PCDHA10: variants seen among roughly 807,000 people sequenced by gnomAD.
The protein encoded by PCDHA10 is protocadherin alpha 10.
Under a neutral mutation model 61.2 loss-of-function variants are expected in PCDHA10, and 45 were observed. The observed-to-expected ratio is 0.74, with a 90% CI of 0.58 to 0.94. The LOEUF is 0.94. Among genes scored for constraint, PCDHA10 ranks in the 40% least tolerant of loss-of-function variants. The pLI, the probability that PCDHA10 is intolerant of heterozygous loss-of-function variation, is 0.00. For synonymous variants in PCDHA10, 602 were observed against 548.8 expected (o/e 1.10, Z -1.35); for missense variants, 1,278 against 1,236.2 (o/e 1.03, Z -0.51).
chr5:140,952,914 T>C (rs1020868857), intron 1 of PCDHA10, among the ~76,000 whole-genome samples: 1 of 151,982 alleles, frequency 6.6e-6, no homozygotes, highest in South Asian at 2.1e-4. Context: ...TCATCTTACA[T>C]GGCATGAGCA....
At position 140,884,772 on chromosome 5, in the gene PCDHA10, T is replaced by G. The variant is rs563372954; in HGVS notation, c.2388+26336T>G. 1.9e-5 allele frequency: 27 copies of G among 1,409,818 alleles called. No homozygotes were observed. In the African/African-American group the frequency reaches 3.6e-4, roughly 19 times the overall value. The allele number at this position is 1,409,818 out of a possible 1,614,324, so 87.3% of individuals were successfully genotyped here. On this transcript the variant is annotated intron_variant, in intron 1 of 3. Transcript: ENST00000307360. Reference sequence around the variant, plus strand: ...TTCAAATTATTCTTTACTTTAATTTTAATTTTGCTAGTTGTTATCGAATTT... The same window carrying G: ...TTCAAATTATTCTTTACTTTAATTTGAATTTTGCTAGTTGTTATCGAATTT...
intron 3 of PCDHA10, among the ~76,000 whole-genome samples, chr5:141,008,201 A>T (rs2098364434): frequency 6.6e-6 from 1 of 152,212 alleles, no homozygotes; most frequent in Admixed American, 6.5e-5. Context: ...TAATATAATG[A>T]ACTTGACATG....
chr5:140,985,268 A>G (rs1399255449), intron 3 of PCDHA10, among the ~76,000 whole-genome samples: 6 of 152,098 alleles, frequency 3.9e-5, no homozygotes, highest in African/African-American at 1.2e-4. Context: ...TTTCTGGACT[A>G]CTTTTCTGCA....
chr5:140,872,595 C>T (rs1048527578), intron 1 of PCDHA10, among the ~76,000 whole-genome samples: 1 of 152,102 alleles, frequency 6.6e-6, no homozygotes, highest in African/African-American at 2.4e-5. Context: ...AGACCCCCAT[C>T]TGAAAAAATA....
intron 3 of PCDHA10, among the ~76,000 whole-genome samples, chr5:141,000,416 TA>T (rs1479552208): frequency 1.6e-3 from 150 of 93,344 alleles, no homozygotes; most frequent in Non-Finnish European, 2.1e-3. Flanking sequence ...TATATATATA[TA>T]TATATTTTTT....
rs2054518116 is a variant in PCDHA10, at chr5:140,873,832, T to G, written c.2388+15396T>G. Among the ~76,000 whole-genome samples, 4 of 152,260 alleles carry G rather than the reference T, an allele frequency of 2.6e-5. No homozygotes were observed. In the South Asian group the frequency reaches 8.3e-4, roughly 32 times the overall value. On this transcript the variant is annotated intron_variant, in intron 1 of 3. Transcript: ENST00000307360. ...TGCACCACCACTCCTGGCTAATTTT[T>G]GTATTTTTAGTAGAGATGGGTTTTC...
At chr5:141,002,331 C>T (rs550513057) in intron 3 of PCDHA10, among the ~76,000 whole-genome samples, 1 of 152,372 alleles carries the variant, frequency 6.6e-6, no homozygotes, top group South Asian at 2.1e-4. Context: ...CGGGCTGCAT[C>T]CGCACCCCTT....
At chr5:140,887,431 A>C (rs2061444829) in intron 1 of PCDHA10, among the ~76,000 whole-genome samples, 1 of 152,112 alleles carries the variant, frequency 6.6e-6, no homozygotes, top group African/African-American at 2.4e-5. Context: ...AAGTATTTTC[A>C]CTGGGCATAG....
intron 1 of PCDHA10, chr5:140,929,209 G>C (rs553616030): frequency 1.2e-6 from 2 of 1,613,936 alleles, no homozygotes. Context: ...GCTGTTGCGT[G>C]GGGAGTACAA....
At chr5:140,874,124 T>C (rs926046559) in intron 1 of PCDHA10, among the ~76,000 whole-genome samples, 1 of 152,266 alleles carries the variant, frequency 6.6e-6, no homozygotes, top group Non-Finnish European at 1.5e-5. Flanking sequence ...TTATAGTTTA[T>C]TTAAGTTATC....
chr5:140,897,946 T>G (rs1311278458), intron 1 of PCDHA10, among the ~76,000 whole-genome samples: 1 of 152,276 alleles, frequency 6.6e-6, no homozygotes, highest in African/African-American at 2.4e-5. Context: ...CCAGTGATGA[T>G]TAGCATTTTT....
At chr5:140,863,712 G>A (rs2048130795) in intron 1 of PCDHA10, 1 of 282,034 alleles carries the variant, frequency 3.5e-6, no homozygotes, top group East Asian at 9.1e-5. Flanking sequence ...AAGTACACTG[G>A]GGCCGGGTGC....
intron 1 of PCDHA10, chr5:140,865,236 G>A (rs192476838): frequency 8.5e-5 from 13 of 152,224 alleles, no homozygotes; most frequent in Admixed American, 3.3e-4. Flanking sequence ...CAGAGAACAC[G>A]TATTTATAGC....
chr5:141,000,765 G>T (rs1554257794), intron 3 of PCDHA10, among the ~76,000 whole-genome samples: 9 of 151,816 alleles, frequency 5.9e-5, no homozygotes, highest in Non-Finnish European at 2.9e-5. Context: ...ATCTTAGCCA[G>T]GCATAGTGGC....
At chr5:140,998,211 T>C (rs2097801578) in intron 3 of PCDHA10, among the ~76,000 whole-genome samples, 1 of 152,226 alleles carries the variant, frequency 6.6e-6, no homozygotes. Context: ...TTAATCTGTA[T>C]AACCACACCC....
chr5:140,948,461 A>G (rs2094256529), intron 1 of PCDHA10, among the ~76,000 whole-genome samples: 1 of 151,516 alleles, frequency 6.6e-6, no homozygotes, highest in Admixed American at 6.6e-5. Flanking sequence ...TCTTTTAGGG[A>G]AAGTTTCTGA....
chr5:140,938,118 T>G (rs1554211986), intron 1 of PCDHA10, among the ~76,000 whole-genome samples: 1 of 152,178 alleles, frequency 6.6e-6, no homozygotes. Context: ...TCTCTCTTTT[T>G]TTAAAAAAAT....
intron 1 of PCDHA10, chr5:140,967,767 A>G (rs782195052): frequency 1.2e-6 from 2 of 1,614,216 alleles, no homozygotes; most frequent in East Asian, 2.2e-5. Context: ...TACCAGATCT[A>G]TGTGCAGGCG....
chr5:140,996,293 A>T (rs1481852263), intron 3 of PCDHA10, among the ~76,000 whole-genome samples: 1 of 152,264 alleles, frequency 6.6e-6, no homozygotes, highest in African/African-American at 2.4e-5. Context: ...CAAGAAGCAC[A>T]GATTGTAACA....
Sources: allele counts gnomAD v4.1 joint callset (sites outside exome capture counted in the v4.1 genomes callset), GRCh38; gene constraint gnomAD v4.1.1; transcripts MANE v1.5; gene names NCBI Gene and HGNC (gene_info 2026-07-23, HGNC 2026-07-21).